NUPR1: variants seen among roughly 807,000 people sequenced by gnomAD.
NUPR1 encodes nuclear protein 1, transcriptional regulator, also known as nuclear protein 1.
Under a neutral mutation model 7.3 loss-of-function variants are expected in NUPR1, and 8 were observed. The ratio of observed to expected loss-of-function variants is 1.09; its 90% CI spans 0.64 to 1.97. The LOEUF is 1.97. Among genes scored for constraint, NUPR1 ranks in the 30% most tolerant of loss-of-function variants. The pLI is 0.00. For missense variants in NUPR1, 96 were observed against 111.7 expected (o/e 0.86, Z 0.63); for synonymous variants, 39 against 44.5 (o/e 0.88, Z 0.49).
rs377714400 is a variant in NUPR1, at chr16:28,537,952, G to T, written c.*13+54C>A. On this transcript the variant is annotated intron_variant, in intron 2 of 2. Coordinates refer to ENST00000324873, the MANE Select transcript of NUPR1 (RefSeq NM_012385.3). ...CACCCAATCACACACCTTCCGGCCTGTCCTTCATGGCAGAAGCACCACCTT... is the reference window on the plus strand; with the variant it reads ...CACCCAATCACACACCTTCCGGCCTTTCCTTCATGGCAGAAGCACCACCTT... The T allele has an allele frequency of 1.5e-5, 22 of 1,468,922 alleles. 1 individual carries two copies. The highest frequency in any genetic ancestry group is 1.4e-4 in the East Asian group (6 of 43,862). 91.0% of individuals were successfully genotyped at this position (1,468,922 alleles called of 1,614,324 possible).
Position 28,538,676 on chromosome 16 carries a change from T to G in NUPR1, c.112+120A>C, listed in dbSNP as rs377191530. The G allele has an allele frequency of 8.3e-6, 7 of 848,302 alleles. No homozygotes were observed. The Admixed American group carries it at 1.5e-4, about 18-fold the overall frequency. 52.5% of individuals were successfully genotyped at this position (848,302 alleles called of 1,614,324 possible). On this transcript the variant is annotated intron_variant, in intron 1 of 2. Coordinates refer to ENST00000324873, the MANE Select transcript of NUPR1 (RefSeq NM_012385.3). The stretch of plus-strand genomic sequence containing the variant: ...CAGCCTGGGTGACAGAGTGACTCTC[T>G]CAAAAAAAAAGAAAGAAAGAAACGA...
rs1240554632 is a variant in NUPR1, at chr16:28,535,097, C to G, written c.*2586G>C. 1 of 152,218 alleles carries G rather than the reference C, an allele frequency of 6.6e-6. No individual in the cohort carries two copies. Among genetic ancestry groups the G allele is most frequent in the East Asian group, 1.9e-4 (1 of 5,208 alleles). 9.4% of individuals were successfully genotyped at this position (152,218 alleles called of 1,614,324 possible). ...TCAACTCTGGTCCTGAGACATAGCACTGAATAAGAATCTCCCTCCCCCATC... is the reference window on the plus strand; with the variant it reads ...TCAACTCTGGTCCTGAGACATAGCAGTGAATAAGAATCTCCCTCCCCCATC... On this transcript the variant is annotated 3_prime_UTR_variant, in exon 3 of 3. Coordinates refer to ENST00000324873, the MANE Select transcript of NUPR1 (RefSeq NM_012385.3).
intron 2 of NUPR1, 95 bp downstream of exon 2, chr16:28,537,911 C>T: frequency 2.0e-6 from 2 of 995,310 alleles, no homozygotes; most frequent in Non-Finnish European, 3.0e-6. Context: ...ACAACAGTTG[C>T]CTGATCCCTC....
At position 28,532,729 on chromosome 16, in the gene NUPR1, T is replaced by A. The variant is rs1409927872; in HGVS notation, c.*4954A>T. On this transcript the variant is annotated 3_prime_UTR_variant, in exon 3 of 3. Transcript: ENST00000324873. ...GAAATTAACGAGAGTTTAGGATTCT[T>A]CATTGTCAATACATGGTTCTTCCCA... The A allele has an allele frequency of 6.6e-6, 1 of 152,502 alleles. No individual in the cohort carries two copies. Among genetic ancestry groups the A allele is most frequent in the African/African-American group, 2.4e-5 (1 of 41,452 alleles). The allele number at this position is 152,502 out of a possible 1,614,324, so 9.4% of individuals were successfully genotyped here. A position where few individuals can be genotyped will look rare whatever the true frequency, so the allele number is the denominator to read the frequency against.
rs2046606458 is a variant in NUPR1 at position 28,535,535 on chromosome 16, C to CTTTCTT, written c.*2142_*2147dup. The CTTTCTT allele has an allele frequency of 1.3e-5, 1 of 76,628 alleles. No homozygotes were observed. Among genetic ancestry groups the CTTTCTT allele is most frequent in the Non-Finnish European group, 2.8e-5 (1 of 35,362 alleles). 4.7% of individuals were successfully genotyped at this position (76,628 alleles called of 1,614,324 possible). A position where few individuals can be genotyped will look rare whatever the true frequency, so the allele number is the denominator to read the frequency against. On this transcript the variant is annotated 3_prime_UTR_variant, in exon 3 of 3. Coordinates refer to ENST00000324873, the MANE Select transcript of NUPR1 (RefSeq NM_012385.3). ...TCTTTCTTTCTTTCTTTCTTTCTTT[C>CTTTCTT]TTTCTTTCCTTCTTTCTTTCTTTCT... is the stretch of plus-strand genomic sequence containing the variant.
rs368150912 is a variant in NUPR1 at position 28,535,604 on chromosome 16, C to CTTTTCTTTCTTTCTTTCTTTCTTTCTT, written c.*2078_*2079insAAGAAAGAAAGAAAGAAAGAAAGAAAA. On this transcript the variant is annotated 3_prime_UTR_variant, in exon 3 of 3. Coordinates refer to ENST00000324873, the MANE Select transcript of NUPR1 (RefSeq NM_012385.3). ...TCTTTCTTTCTTTCTTTCTTTCTTT[C>CTTTTCTTTCTTTCTTTCTTTCTTTCTT]TTTCTTTCTTTCTTTCTTCTCTTTC... The CTTTTCTTTCTTTCTTTCTTTCTTTCTT allele has an allele frequency of 9.3e-5, 3 of 32,336 alleles. No homozygotes were observed. The highest frequency in any genetic ancestry group is 1.5e-4 in the African/African-American group (1 of 6,890). The allele number at this position is 32,336 out of a possible 1,614,324, so 2.0% of individuals were successfully genotyped here.
rs535534953 is a variant in NUPR1 at position 28,536,053 on chromosome 16, C to T, written c.*1630G>A. 4 of 152,296 alleles carry T rather than the reference C, an allele frequency of 2.6e-5. No individual in the cohort carries two copies. Among genetic ancestry groups the T allele is most frequent in the Admixed American group, 2.0e-4 (3 of 15,286 alleles). The allele number at this position is 152,296 out of a possible 1,614,324, so 9.4% of individuals were successfully genotyped here. On this transcript the variant is annotated 3_prime_UTR_variant, in exon 3 of 3. Transcript: ENST00000324873. ...TGGCCAACATGATGAAACCCCATCT[C>T]TACTAAAAATACAAAAATTGGCCAG...
At position 28,535,253 on chromosome 16, in the gene NUPR1, T is replaced by TCCTCCTTC. The variant is rs945381618; in HGVS notation, c.*2422_*2429dup. ...TCCCTTAATATTTCCTTCCCTCCTTTCCTCCTTCCCTCCTTCCCTCCCTCC... is the reference window on the plus strand; with the variant it reads ...TCCCTTAATATTTCCTTCCCTCCTTTCCTCCTTCCCTCCTTCCCTCCTTCCCTCCCTCC... On this transcript the variant is annotated 3_prime_UTR_variant, in exon 3 of 3. Transcript: ENST00000324873. 2.6e-5 allele frequency: 4 copies of TCCTCCTTC among 151,998 alleles called. No homozygotes were observed. Among genetic ancestry groups the TCCTCCTTC allele is most frequent in the African/African-American group, 9.7e-5 (4 of 41,348 alleles). The allele number at this position is 151,998 out of a possible 1,614,324, so 9.4% of individuals were successfully genotyped here. A position where few individuals can be genotyped will look rare whatever the true frequency, so the allele number is the denominator to read the frequency against.
In NUPR1 at chr16:28,535,694, T is replaced by C. The variant is rs1243716171; in HGVS notation, c.*1989A>G. On this transcript the variant is annotated 3_prime_UTR_variant, in exon 3 of 3. Transcript: ENST00000324873. ...TCTTTCTTCCTTCCTTTCTTTTCCTTCCTTCCTTCTTTTTCTCTTTCTTTC... is the reference window on the plus strand; with the variant it reads ...TCTTTCTTCCTTCCTTTCTTTTCCTCCCTTCCTTCTTTTTCTCTTTCTTTC... The C allele has an allele frequency of 6.7e-6, 1 of 149,994 alleles. No homozygotes were observed. The highest frequency in any genetic ancestry group is 1.5e-5 in the Non-Finnish European group (1 of 67,700). 9.3% of individuals were successfully genotyped at this position (149,994 alleles called of 1,614,324 possible).
rs2046609316 is a variant in NUPR1, at chr16:28,535,567, C to CCTTT, written c.*2115_*2116insAAAG. ...TCCTTCTTTCTTTCTTTCTTTCCTT[C>CCTTT]CTTCCTTTCTTTCTTTCTTTCTTTC... On this transcript the variant is annotated 3_prime_UTR_variant, in exon 3 of 3. Coordinates refer to ENST00000324873, the MANE Select transcript of NUPR1 (RefSeq NM_012385.3). 1.5e-5 allele frequency: 1 copy of CCTTT among 67,444 alleles called. No homozygotes were observed. Among genetic ancestry groups the CCTTT allele is most frequent in the South Asian group, 6.6e-4 (1 of 1,512 alleles). 4.2% of individuals were successfully genotyped at this position (67,444 alleles called of 1,614,324 possible).
chr16:28,537,966 A>G, intron 2 of NUPR1, 40 bp downstream of exon 2: 1 of 1,537,604 alleles, frequency 6.5e-7, no homozygotes. Context: ...TTCATGGCAG[A>G]AGCACCACCT....
Position 28,536,554 on chromosome 16 carries a change from A to C in NUPR1, c.*1129T>G, listed in dbSNP as rs1470727628. On this transcript the variant is annotated 3_prime_UTR_variant, in exon 3 of 3. Transcript: ENST00000324873. Reference sequence around the variant, plus strand: ...AAAATTGTAGAGATGGGGTCTTACTATGATGCTCAGGCTGGTCTCAAACTC... The same window carrying C: ...AAAATTGTAGAGATGGGGTCTTACTCTGATGCTCAGGCTGGTCTCAAACTC... The C allele has an allele frequency of 6.6e-6, 1 of 152,534 alleles. No homozygotes were observed. Among genetic ancestry groups the C allele is most frequent in the African/African-American group, 2.4e-5 (1 of 41,434 alleles). 9.4% of individuals were successfully genotyped at this position (152,534 alleles called of 1,614,324 possible).
chr16:28,535,567 C>CTTTCTTTCTTT lies in NUPR1; in HGVS notation c.*2115_*2116insAAAGAAAGAAA, dbSNP rs1359794297. 5.3e-3 allele frequency: 356 copies of CTTTCTTTCTTT among 67,406 alleles called. 14 individuals are homozygous for CTTTCTTTCTTT. The highest frequency in any genetic ancestry group is 7.9e-3 in the South Asian group (12 of 1,510). The allele number at this position is 67,406 out of a possible 1,614,324, so 4.2% of individuals were successfully genotyped here. A position where few individuals can be genotyped will look rare whatever the true frequency, so the allele number is the denominator to read the frequency against. On this transcript the variant is annotated 3_prime_UTR_variant, in exon 3 of 3. Coordinates refer to ENST00000324873, the MANE Select transcript of NUPR1 (RefSeq NM_012385.3). ...TCCTTCTTTCTTTCTTTCTTTCCTT[C>CTTTCTTTCTTT]CTTCCTTTCTTTCTTTCTTTCTTTC...
rs1555472555 is a variant in NUPR1 at position 28,535,571 on chromosome 16, C to CTTTCT, written c.*2111_*2112insAGAAA. 2.8e-5 allele frequency: 2 copies of CTTTCT among 71,886 alleles called. No individual in the cohort carries two copies. The highest frequency in any genetic ancestry group is 5.9e-5 in the African/African-American group (1 of 16,862). The allele number at this position is 71,886 out of a possible 1,614,324, so 4.5% of individuals were successfully genotyped here. The stretch of plus-strand genomic sequence containing the variant: ...TCTTTCTTTCTTTCTTTCCTTCCTT[C>CTTTCT]CTTTCTTTCTTTCTTTCTTTCTTTC... On this transcript the variant is annotated 3_prime_UTR_variant, in exon 3 of 3. Coordinates refer to ENST00000324873, the MANE Select transcript of NUPR1 (RefSeq NM_012385.3).
In NUPR1 at chr16:28,538,009, C is replaced by T. The variant is rs746620507; in HGVS notation, c.*10G>A. On this transcript the variant is annotated 3_prime_UTR_variant, in exon 2 of 3. Transcript: ENST00000324873. ...TCTGGGCCCCCCGACTCCTTACCTC[C>T]AGCTCTGTCTCAGCGCCGTGCCCCT... 2 of 1,609,864 alleles carry T rather than the reference C, an allele frequency of 1.2e-6. No individual in the cohort carries two copies. The highest frequency in any genetic ancestry group is 2.2e-5 in the South Asian group (2 of 90,810).
chr16:28,538,468 T>C (rs1350509594), intron 1 of NUPR1: 7 of 566,724 alleles, frequency 1.2e-5, no homozygotes, highest in East Asian at 6.1e-5. Context: ...GGCAGGAGAA[T>C]TGCTTGAGCC....
chr16:28,534,523 C>T lies in NUPR1; in HGVS notation c.*3160G>A, dbSNP rs1056582498. On this transcript the variant is annotated 3_prime_UTR_variant, in exon 3 of 3. Transcript: ENST00000324873. ...GGCCCAATCTCAGAGTTTTCTCCCC[C>T]GACATCTGTTGAGTCTGCATGTGGG... 4 of 152,208 alleles carry T rather than the reference C, an allele frequency of 2.6e-5. No individual in the cohort carries two copies. The highest frequency in any genetic ancestry group is 1.3e-4 in the Admixed American group (2 of 15,256). The allele number at this position is 152,208 out of a possible 1,614,324, so 9.4% of individuals were successfully genotyped here. A position where few individuals can be genotyped will look rare whatever the true frequency, so the allele number is the denominator to read the frequency against.
intron 2 of NUPR1, 88 bp downstream of exon 2, chr16:28,537,918 C>T (rs866056083): frequency 1.9e-6 from 2 of 1,080,902 alleles, no homozygotes; most frequent in African/African-American, 1.6e-5. Context: ...TTGCCTGATC[C>T]CTCCTCCCCA....
At position 28,535,982 on chromosome 16, in the gene NUPR1, G is replaced by A. The variant is rs2151633839; in HGVS notation, c.*1701C>T. ...CTCCTTGGCCTCCCAAAGGCTGGAA[G>A]GCTGAGGTGGGCAGATCATTTGAGG... On this transcript the variant is annotated 3_prime_UTR_variant, in exon 3 of 3. Transcript: ENST00000324873. The A allele has an allele frequency of 2.0e-5, 3 of 152,268 alleles. No individual in the cohort carries two copies. In the Middle Eastern group the frequency reaches 0.01, roughly 514 times the overall value. The allele number at this position is 152,268 out of a possible 1,614,324, so 9.4% of individuals were successfully genotyped here. A position where few individuals can be genotyped will look rare whatever the true frequency, so the allele number is the denominator to read the frequency against.
Sources: gnomAD v4.1 joint callset for allele counts on GRCh38, gnomAD v4.1.1 for gene constraint, MANE v1.5 for transcripts, NCBI Gene and HGNC (gene_info 2026-07-23, HGNC 2026-07-21) for gene names.